The following PPM1A variants were observed in gnomAD, a reference collection of about 807,000 sequenced individuals.
The protein encoded by PPM1A is protein phosphatase 1A.
PPM1A carries 7 observed loss-of-function variants against 35.0 expected under a neutral mutation model. That is an observed-to-expected ratio of 0.20 (90% CI 0.11 to 0.38). The LOEUF is 0.38. Among genes scored for constraint, PPM1A ranks in the 10% least tolerant of loss-of-function variants. The pLI is 1.00. For missense variants in PPM1A, 239 were observed against 467.8 expected, an observed-to-expected ratio of 0.51 and a Z score of 4.51; for synonymous variants, 153 against 167.3, an observed-to-expected ratio of 0.91 and a Z score of 0.66.
chr14:60,288,062 CATTT>C, intron 3 of PPM1A: 2 of 980,922 alleles, frequency 2.0e-6, no homozygotes, highest in South Asian at 9.4e-5. Context: ...TCTTAAAATT[CATTT>C]ATTTTTCTTT....
Position 60,289,698 on chromosome 14 carries a change from C to A in PPM1A, c.953-108C>A. 6.2e-6 allele frequency: 4 copies of A among 644,516 alleles called. No homozygotes were observed. The highest frequency in any genetic ancestry group is 1.9e-5 in the South Asian group (1 of 52,130). 39.9% of individuals were successfully genotyped at this position (644,516 alleles called of 1,614,324 possible). The stretch of plus-strand genomic sequence containing the variant: ...TTAAATGATACCAGATTAGAAAAAT[C>A]TCAGATGTGGTAAATGCCATCTTTA... On this transcript the variant is annotated intron_variant, in intron 3 of 5. Transcript: ENST00000395076. This position sits in a 1 kb window ranked among gnomAD's most constrained non-coding sequence, Gnocchi z 4.1.
At chr14:60,275,648 C>T (rs537314025) in intron 1 of PPM1A, among the ~76,000 whole-genome samples, 44 of 151,948 alleles carry the variant, frequency 2.9e-4, no homozygotes, top group African/African-American at 9.7e-4. Context: ...CACTATGCCC[C>T]GCTAATCATT....
At chr14:60,248,977 G>T (rs979098826), upstream of PPM1A, among the ~76,000 whole-genome samples, 2 of 152,136 alleles carry the variant, frequency 1.3e-5, no homozygotes, top group Admixed American at 1.3e-4. Context: ...GCTCCAGGCC[G>T]TAAGGCAAAG....
Position 60,298,587 on chromosome 14 carries a change from C to T in PPM1A, c.*6105C>T, listed in dbSNP as rs1888237260. 1 of 151,686 alleles carries T rather than the reference C, an allele frequency of 6.6e-6. No homozygotes were observed. Among genetic ancestry groups the T allele is most frequent in the Non-Finnish European group, 1.5e-5 (1 of 67,718 alleles). 9.4% of individuals were successfully genotyped at this position (151,686 alleles called of 1,614,324 possible). ...ATTATCTTACCTGGTTATCCCTTGA[C>T]TAAATAGCATATCTGCAGGAAAATA... On this transcript the variant is annotated 3_prime_UTR_variant, in exon 6 of 6. Coordinates refer to ENST00000395076, the MANE Select transcript of PPM1A (RefSeq NM_021003.5).
chr14:60,284,699 G>A (rs987957618), intron 2 of PPM1A, among the ~76,000 whole-genome samples: 5 of 109,600 alleles, frequency 4.6e-5, no homozygotes, highest in East Asian at 2.0e-4. Flanking sequence ...ATATATATAT[G>A]TGTGTGTGTA....
intron 2 of PPM1A, among the ~76,000 whole-genome samples, chr14:60,284,438 G>A (rs1167828954): frequency 2.0e-5 from 3 of 152,086 alleles, no homozygotes; most frequent in Admixed American, 6.5e-5. Flanking sequence ...TCAGGAGATC[G>A]AGACCATCCT....
intron 1 of PPM1A, among the ~76,000 whole-genome samples, chr14:60,262,786 A>T (rs1883903014): frequency 6.6e-6 from 1 of 152,220 alleles, no homozygotes; most frequent in African/African-American, 2.4e-5. Flanking sequence ...AAATATGAGA[A>T]CAGAAGAGTA....
chr14:60,260,606 G>T (rs1883640255), intron 1 of PPM1A, among the ~76,000 whole-genome samples: 1 of 151,994 alleles, frequency 6.6e-6, no homozygotes, highest in Admixed American at 6.5e-5. Flanking sequence ...TCAGACTTAT[G>T]CAACGATTAA....
rs1888087648 is a variant in PPM1A at position 60,296,730 on chromosome 14, A to G, written c.*4248A>G. The G allele has an allele frequency of 2.9e-6, 1 of 349,608 alleles. No individual in the cohort carries two copies. The highest frequency in any genetic ancestry group is 1.4e-4 in the South Asian group (1 of 7,324). 21.7% of individuals were successfully genotyped at this position (349,608 alleles called of 1,614,324 possible). A position where few individuals can be genotyped will look rare whatever the true frequency, so the allele number is the denominator to read the frequency against. On this transcript the variant is annotated 3_prime_UTR_variant, in exon 6 of 6. Coordinates refer to ENST00000395076, the MANE Select transcript of PPM1A (RefSeq NM_021003.5). This position sits in a 1 kb window ranked among gnomAD's most constrained non-coding sequence, Gnocchi z 4.4. ...AGAATACATTTTCAAAATGTATAATACTGTATTGTTTTGTTGATCAGAATA... is the reference window on the plus strand; with the variant it reads ...AGAATACATTTTCAAAATGTATAATGCTGTATTGTTTTGTTGATCAGAATA...
At chr14:60,264,603 A>G (rs1884161276) in intron 1 of PPM1A, among the ~76,000 whole-genome samples, 1 of 152,166 alleles carries the variant, frequency 6.6e-6, no homozygotes, top group African/African-American at 2.4e-5. Context: ...TTTGAAATAC[A>G]TTGTTGATGG....
At chr14:60,276,784 C>T (rs1244955615) in intron 1 of PPM1A, among the ~76,000 whole-genome samples, 3 of 152,120 alleles carry the variant, frequency 2.0e-5, no homozygotes, top group Non-Finnish European at 4.4e-5. Flanking sequence ...AAATTATTCA[C>T]TATAATTCTG....
intron 1 of PPM1A, among the ~76,000 whole-genome samples, chr14:60,270,364 G>C (rs777631051): frequency 6.6e-6 from 1 of 151,968 alleles, no homozygotes; most frequent in Non-Finnish European, 1.5e-5. Context: ...TTGTCACCTA[G>C]TTTTCTAAGG....
intron 1 of PPM1A, among the ~76,000 whole-genome samples, chr14:60,250,935 A>C (rs951481915): frequency 2.0e-5 from 3 of 152,212 alleles, no homozygotes; most frequent in Non-Finnish European, 4.4e-5. Flanking sequence ...GGCCTTTTCC[A>C]AAGATTGTAT....
intron 1 of PPM1A, among the ~76,000 whole-genome samples, chr14:60,255,096 A>G (rs1882900259): frequency 6.6e-6 from 1 of 151,200 alleles, no homozygotes; most frequent in South Asian, 2.1e-4. Flanking sequence ...TCTGACCCCC[A>G]GAGTGTTTAA....
At chr14:60,253,999 G>C (rs73315756) in intron 1 of PPM1A, among the ~76,000 whole-genome samples, 1 of 152,056 alleles carries the variant, frequency 6.6e-6, no homozygotes, top group Non-Finnish European at 1.5e-5. Flanking sequence ...TACTTTTGTC[G>C]TAAGGTTATC....
rs1566606613 is a variant in PPM1A at position 60,289,245 on chromosome 14, T to C, written c.953-561T>C. The stretch of plus-strand genomic sequence containing the variant: ...TGTTTAAAGGTACTTTAGAGAAGAA[T>C]TAAACTGAGACAGTGATGTTCAAGT... On this transcript the variant is annotated intron_variant, in intron 3 of 5. Coordinates refer to ENST00000395076, the MANE Select transcript of PPM1A (RefSeq NM_021003.5). This position sits in a 1 kb window ranked among gnomAD's most constrained non-coding sequence, Gnocchi z 4.1. 2.6e-5 allele frequency among the ~76,000 whole-genome samples: 4 copies of C among 152,238 alleles called. No individual in the cohort carries two copies. In the South Asian group the frequency reaches 8.3e-4, roughly 32 times the overall value.
intron 4 of PPM1A, among the ~76,000 whole-genome samples, chr14:60,290,820 A>C (rs933381798): frequency 2.6e-5 from 4 of 152,068 alleles, no homozygotes; most frequent in African/African-American, 9.7e-5. Flanking sequence ...ACGATCTATA[A>C]AATTGCTTCA....
Position 60,249,428 on chromosome 14 carries a change from T to G in PPM1A, c.-270T>G. 4.1e-6 allele frequency: 4 copies of G among 984,762 alleles called. No individual in the cohort carries two copies. The highest frequency in any genetic ancestry group is 4.8e-6 in the Non-Finnish European group (4 of 829,924). The allele number at this position is 984,762 out of a possible 1,614,324, so 61.0% of individuals were successfully genotyped here. On this transcript the variant is annotated 5_prime_UTR_variant, in exon 1 of 6. Coordinates refer to ENST00000395076, the MANE Select transcript of PPM1A (RefSeq NM_021003.5). The surrounding 1 kb of genome is among the most constrained non-coding windows in gnomAD (Gnocchi z 4.5). ...AGTCCTCGGCTCTTCCTCCTCCTTC[T>G]CCGGGACCCGCTCTCTGCCTCCCTC...
chr14:60,264,694 TAGTCTC>T (rs1049401291), intron 1 of PPM1A, among the ~76,000 whole-genome samples: 11 of 152,206 alleles, frequency 7.2e-5, no homozygotes, highest in African/African-American at 2.4e-4. Flanking sequence ...TATTCCTTCT[TAGTCTC>T]TGTATTATGT....
Sources: gnomAD v4.1 joint callset for allele counts (sites outside exome capture counted in the v4.1 genomes callset) on GRCh38, gnomAD v4.1.1 for gene constraint, Gnocchi (gnomAD v3.1) non-coding constraint, MANE v1.5 for transcripts, NCBI Gene and HGNC (gene_info 2026-07-23, HGNC 2026-07-21) for gene names.